The following CLYBL variants were observed in gnomAD, a reference collection of about 807,000 sequenced individuals.
CLYBL encodes citramalyl-CoA lyase.
CLYBL carries 31 observed loss-of-function variants against 38.9 expected under a neutral mutation model. The ratio of observed to expected loss-of-function variants is 0.80; its 90% CI spans 0.60 to 1.08. The LOEUF is 1.08. Among genes scored for constraint, CLYBL ranks in the 50% least tolerant of loss-of-function variants. CLYBL has a pLI of 0.00. For synonymous variants in CLYBL, 171 were observed against 158.6 expected (o/e 1.08, Z -0.59); for missense variants, 434 against 411.6 (o/e 1.05, Z -0.47).
chr13:99,856,229 T>A (rs1247695016), intron 2 of CLYBL, among the ~76,000 whole-genome samples: 1 of 152,186 alleles, frequency 6.6e-6, no homozygotes, highest in Non-Finnish European at 1.5e-5. Flanking sequence ...AACAAGTCCC[T>A]TCAAATCCAA....
At chr13:99,783,904 C>T (rs1435146887) in intron 2 of CLYBL, 3 of 152,374 alleles carry the variant, frequency 2.0e-5, no homozygotes, top group South Asian at 2.1e-4. Context: ...CTATGGCATT[C>T]TATAGAGAAC....
chr13:99,630,256 A>C (rs2046924671), intron 1 of CLYBL, among the ~76,000 whole-genome samples: 1 of 152,186 alleles, frequency 6.6e-6, no homozygotes, highest in African/African-American at 2.4e-5. Flanking sequence ...TATCATCCTG[A>C]TAAATTGTCA....
intron 6 of CLYBL, 71 bp from the exon 7 acceptor site, chr13:99,870,867 C>T (rs543223868): frequency 4.2e-5 from 63 of 1,507,670 alleles, no homozygotes; most frequent in South Asian, 8.0e-5. Flanking sequence ...AGGAACCTCA[C>T]GCGATAGAAA....
intron 2 of CLYBL, among the ~76,000 whole-genome samples, chr13:99,855,608 A>C (rs1471280323): frequency 6.6e-6 from 1 of 152,138 alleles, no homozygotes; most frequent in African/African-American, 2.4e-5. Context: ...AGAGGGAAAA[A>C]GAGAATAAAA....
intron 1 of CLYBL, among the ~76,000 whole-genome samples, chr13:99,622,382 C>T (rs1594087672): frequency 6.6e-6 from 1 of 152,302 alleles, no homozygotes; most frequent in East Asian, 1.9e-4. Flanking sequence ...GGCTGAGTTC[C>T]CTCATTGCCT....
At chr13:99,711,236 T>C (rs971815865) in intron 1 of CLYBL, among the ~76,000 whole-genome samples, 1 of 151,964 alleles carries the variant, frequency 6.6e-6, no homozygotes, top group East Asian at 1.9e-4. Context: ...CTGGGTGTCT[T>C]ATAAGCAACA....
At chr13:99,858,589 A>G (rs1204923259) in intron 2 of CLYBL, among the ~76,000 whole-genome samples, 3 of 152,268 alleles carry the variant, frequency 2.0e-5, no homozygotes, top group African/African-American at 4.8e-5. Context: ...AATGCTAATG[A>G]GAAAGACGAC....
In CLYBL at chr13:99,869,972, A is replaced by ACACTTC. The variant is rs1193726169; in HGVS notation, c.803-964_803-959dup. On this transcript the variant is annotated intron_variant, in intron 6 of 8. Coordinates refer to ENST00000339105, the MANE Select transcript of CLYBL (RefSeq NM_206808.5). The surrounding 1 kb of genome is among the most constrained non-coding windows in gnomAD (Gnocchi z 4.3). Reference sequence around the variant, plus strand: ...TTTATTAATGATCTGATTGGATTCTACACTTCCCTGATTGTTAAATTGTTT... The same window carrying ACACTTC: ...TTTATTAATGATCTGATTGGATTCTACACTTCCACTTCCCTGATTGTTAAATTGTTT... Among the ~76,000 whole-genome samples, 1 of 152,118 alleles carries ACACTTC rather than the reference A, an allele frequency of 6.6e-6. No homozygotes were observed. The highest frequency in any genetic ancestry group is 2.4e-5 in the African/African-American group (1 of 41,444).
intron 2 of CLYBL, among the ~76,000 whole-genome samples, chr13:99,815,954 C>T (rs1324654272): frequency 1.3e-5 from 2 of 152,170 alleles, no homozygotes; most frequent in African/African-American, 2.4e-5. Flanking sequence ...GCAGAGCAGC[C>T]TGGCTGCATT....
chr13:99,657,640 A>AAAAT (rs149160269), intron 1 of CLYBL, among the ~76,000 whole-genome samples: 1 of 528 alleles, frequency 1.9e-3, no homozygotes, highest in South Asian at 0.17. Flanking sequence ...AGATGGGGAA[A>AAAAT]AAAACTCTTT....
chr13:99,794,616 G>A (rs1001787739), intron 2 of CLYBL, among the ~76,000 whole-genome samples: 3 of 33,818 alleles, frequency 8.9e-5, no homozygotes, highest in Non-Finnish European at 1.8e-4. Flanking sequence ...TTTTGAGATG[G>A]AGTCATATGC....
intron 2 of CLYBL, among the ~76,000 whole-genome samples, chr13:99,820,908 A>G (rs1480050198): frequency 2.0e-5 from 3 of 152,194 alleles, no homozygotes; most frequent in Non-Finnish European, 4.4e-5. Context: ...TTCATTGTTT[A>G]TGTACATTAC....
intron 1 of CLYBL, among the ~76,000 whole-genome samples, chr13:99,627,362 C>T (rs1017749608): frequency 9.2e-5 from 14 of 152,072 alleles, no homozygotes; most frequent in African/African-American, 2.4e-4. Flanking sequence ...TGCATTTTCT[C>T]GGCAGGTCAG....
intron 1 of CLYBL, among the ~76,000 whole-genome samples, chr13:99,635,354 T>C (rs1372350207): frequency 6.6e-6 from 1 of 151,534 alleles, no homozygotes; most frequent in Admixed American, 6.6e-5. Flanking sequence ...ACTTCTCCAG[T>C]GTTTGCAGAG....
chr13:99,646,510 CTTTTT>C (rs140419884), intron 1 of CLYBL, among the ~76,000 whole-genome samples: 10 of 109,246 alleles, frequency 9.2e-5, no homozygotes, highest in Non-Finnish European at 1.8e-4. Context: ...TTACAGAAAT[CTTTTT>C]TTTTTTTTTT....
chr13:99,668,065 G>A (rs2047509031), intron 1 of CLYBL, among the ~76,000 whole-genome samples: 1 of 152,004 alleles, frequency 6.6e-6, no homozygotes, highest in Non-Finnish European at 1.5e-5. Flanking sequence ...ATTGAGGTCA[G>A]AAGTTCGAGA....
intron 2 of CLYBL, among the ~76,000 whole-genome samples, chr13:99,817,259 TGAGA>T (rs753193950): frequency 6.6e-6 from 1 of 151,706 alleles, no homozygotes; most frequent in South Asian, 2.1e-4. Flanking sequence ...AATGTGTGTA[TGAGA>T]GAGAGAGAAA....
chr13:99,730,224 G>A (rs2048563661), intron 1 of CLYBL, among the ~76,000 whole-genome samples: 1 of 152,208 alleles, frequency 6.6e-6, no homozygotes. Context: ...GGCAGCTGAG[G>A]CCTCACTTTT....
intron 1 of CLYBL, among the ~76,000 whole-genome samples, chr13:99,632,608 GC>G (rs963596502): frequency 6.6e-6 from 1 of 152,154 alleles, no homozygotes; most frequent in African/African-American, 2.4e-5. Flanking sequence ...AGCCAGGTGT[GC>G]TGGTGGGCAC....
Sources: allele counts gnomAD v4.1 joint callset (sites outside exome capture counted in the v4.1 genomes callset), GRCh38; gene constraint gnomAD v4.1.1; non-coding constraint Gnocchi (gnomAD v3.1); transcripts MANE v1.5; gene names NCBI Gene and HGNC (gene_info 2026-07-23, HGNC 2026-07-21).